NEK10: variants seen among roughly 807,000 people sequenced by gnomAD.
NEK10 encodes NIMA related kinase 10.
Under a neutral mutation model 159.8 loss-of-function variants are expected in NEK10, and 122 were observed. The observed-to-expected ratio is 0.76, with a 90% CI of 0.66 to 0.89. The LOEUF (loss-of-function observed/expected upper bound fraction) is 0.89. NEK10 is among the 40% of genes least tolerant of loss of function. The probability of loss-of-function intolerance (pLI) is 0.00; values close to 1 mark genes in which losing one functional copy is unlikely to be tolerated. For missense variants in NEK10, 1,342 were observed against 1,323.1 expected (o/e 1.01, Z -0.22); for synonymous variants, 466 against 457.1 (o/e 1.02, Z -0.25).
chr3:27,237,193 G>A (rs748865825), intron 23 of NEK10, among the ~76,000 whole-genome samples: 2 of 152,056 alleles, frequency 1.3e-5, no homozygotes, highest in Non-Finnish European at 2.9e-5. Flanking sequence ...GTCTTCCCTT[G>A]TTCCCTAAAA....
intron 30 of NEK10, among the ~76,000 whole-genome samples, chr3:27,158,143 A>C (rs148087762): frequency 3.3e-5 from 5 of 152,294 alleles, no homozygotes; most frequent in Middle Eastern, 3.4e-3. Context: ...AGATACACCT[A>C]TATCTATCAA....
At chr3:27,331,922 C>T (rs1403117078) in intron 5 of NEK10, among the ~76,000 whole-genome samples, 5 of 152,162 alleles carry the variant, frequency 3.3e-5, no homozygotes, top group Non-Finnish European at 5.9e-5. Context: ...AGGATACTAA[C>T]TTATTCTTTT....
At chr3:27,266,450 C>A (rs574902609) in intron 22 of NEK10, among the ~76,000 whole-genome samples, 1 of 152,148 alleles carries the variant, frequency 6.6e-6, no homozygotes, top group African/African-American at 2.4e-5. Context: ...TTCCTCTCTC[C>A]GAGCACCAGA....
At chr3:27,173,928 TAAGA>T (rs1001232863) in intron 28 of NEK10, among the ~76,000 whole-genome samples, 4 of 152,296 alleles carry the variant, frequency 2.6e-5, no homozygotes, top group African/African-American at 9.6e-5. Flanking sequence ...TGTTTTAAAT[TAAGA>T]GTCAAGATTA....
At chr3:27,313,277 G>T (rs964765542) in intron 7 of NEK10, among the ~76,000 whole-genome samples, 1 of 149,194 alleles carries the variant, frequency 6.7e-6, no homozygotes, top group African/African-American at 2.5e-5. Context: ...AAAAAAAAAA[G>T]AAAAAGAAAG....
At chr3:27,150,652 G>A (rs1944739189) in intron 30 of NEK10, among the ~76,000 whole-genome samples, 1 of 152,122 alleles carries the variant, frequency 6.6e-6, no homozygotes, top group Non-Finnish European at 1.5e-5. Flanking sequence ...TGATGAGAAG[G>A]TACAGGATAT....
chr3:27,194,424 T>C (rs1949395227), intron 25 of NEK10: 1 of 152,194 alleles, frequency 6.6e-6, no homozygotes, highest in Admixed American at 6.5e-5. Context: ...CTCAGAGAAA[T>C]TCTTAACAGC....
chr3:27,268,438 CT>C (rs1239731681), intron 22 of NEK10, among the ~76,000 whole-genome samples: 1 of 152,182 alleles, frequency 6.6e-6, no homozygotes, highest in Non-Finnish European at 1.5e-5. Context: ...ACTAATGCAG[CT>C]GGTAATTAAG....
Position 27,297,188 on chromosome 3 carries a change from C to G in NEK10, c.1221G>C (p.Gln407His). ...GAAGGAGTGCTCTCACCTGAACCAC[C>G]TGGTGGGCATTGGTGTCATTGAGCA... Reference protein sequence around the residue: ...ELVLNDTNAHQVVQENGVYTI... With the variant: ...ELVLNDTNAHHVVQENGVYTI... The change falls in exon 14 of 36, where the codon CAG becomes CAC. Residue 407 changes from glutamine to histidine, a missense_variant. Transcript: ENST00000691995. 6.2e-7 allele frequency: 1 copy of G among 1,612,448 alleles called. No individual in the cohort carries two copies. Among genetic ancestry groups the G allele is most frequent in the Non-Finnish European group, 8.5e-7 (1 of 1,178,512 alleles).
intron 1 of NEK10, among the ~76,000 whole-genome samples, chr3:27,361,930 T>G (rs991297638): frequency 6.6e-6 from 1 of 151,988 alleles, no homozygotes; most frequent in Non-Finnish European, 1.5e-5. Flanking sequence ...ATCCAATGTG[T>G]GTGGGAAATC....
At chr3:27,288,620 T>C (rs2042786546) in intron 19 of NEK10, among the ~76,000 whole-genome samples, 1 of 152,212 alleles carries the variant, frequency 6.6e-6, no homozygotes, top group African/African-American at 2.4e-5. Context: ...TTGAATAAAG[T>C]CTTCCTCACC....
intron 15 of NEK10, among the ~76,000 whole-genome samples, chr3:27,294,635 C>A (rs1304949635): frequency 6.6e-6 from 1 of 152,164 alleles, no homozygotes; most frequent in Admixed American, 6.5e-5. Flanking sequence ...GTTGGTAGCG[C>A]TCCAAAAACC....
At chr3:27,139,289 T>G (rs1227051126) in intron 31 of NEK10, among the ~76,000 whole-genome samples, 2 of 152,194 alleles carry the variant, frequency 1.3e-5, no homozygotes, top group Non-Finnish European at 2.9e-5. Flanking sequence ...CTTGCCACTC[T>G]GTGTCTGAGA....
intron 23 of NEK10, among the ~76,000 whole-genome samples, chr3:27,234,253 AT>A (rs1953654922): frequency 6.6e-6 from 1 of 151,250 alleles, no homozygotes; most frequent in Admixed American, 6.6e-5. Flanking sequence ...AATATTGGAA[AT>A]TCTGGCCAGG....
Position 27,152,005 on chromosome 3 carries a change from C to T in NEK10, c.2870-10423G>A, listed in dbSNP as rs1944927152. Reference sequence around the variant, plus strand: ...AGAAGTCTGGGATTATGTTAAACAACCCAATACCAAGAATAATTGGTATTC... The same window carrying T: ...AGAAGTCTGGGATTATGTTAAACAATCCAATACCAAGAATAATTGGTATTC... On this transcript the variant is annotated intron_variant, in intron 30 of 35. Coordinates refer to ENST00000691995, the MANE Select transcript of NEK10 (RefSeq NM_001394966.1). Among the ~76,000 whole-genome samples, 8 of 152,064 alleles carry T rather than the reference C, an allele frequency of 5.3e-5. No homozygotes were observed. In the South Asian group the frequency reaches 1.7e-3, roughly 32 times the overall value.
At chr3:27,360,380 C>A (rs1199272082) in intron 1 of NEK10, among the ~76,000 whole-genome samples, 1 of 152,068 alleles carries the variant, frequency 6.6e-6, no homozygotes, top group Non-Finnish European at 1.5e-5. Context: ...AAAAATGAAG[C>A]AAAACAAGAA....
At chr3:27,361,980 G>C (rs1169900533) in intron 1 of NEK10, among the ~76,000 whole-genome samples, 1 of 152,074 alleles carries the variant, frequency 6.6e-6, no homozygotes, top group African/African-American at 2.4e-5. Flanking sequence ...TGCTGATAAT[G>C]TCTCTTTGTA....
chr3:27,321,919 A>G (rs1036883943), intron 6 of NEK10, among the ~76,000 whole-genome samples: 2 of 152,242 alleles, frequency 1.3e-5, no homozygotes, highest in Non-Finnish European at 2.9e-5. Flanking sequence ...CAAATAGCAA[A>G]GAAAACATAG....
chr3:27,227,503 A>G (rs1183957096), intron 23 of NEK10, among the ~76,000 whole-genome samples: 1 of 152,174 alleles, frequency 6.6e-6, no homozygotes, highest in Non-Finnish European at 1.5e-5. Context: ...CCTCCTCCTC[A>G]GACATCGGGC....
Sources: gnomAD v4.1 joint callset for allele counts (sites outside exome capture counted in the v4.1 genomes callset) on GRCh38, gnomAD v4.1.1 for gene constraint, MANE v1.5 for transcripts, NCBI Gene and HGNC (gene_info 2026-07-23, HGNC 2026-07-21) for gene names.